LRP1B: variants seen among roughly 807,000 people sequenced by gnomAD.
The protein encoded by LRP1B is LDL receptor related protein 1B.
A neutral mutation model predicts 556.6 loss-of-function variants in LRP1B; 217 were observed. The ratio of observed to expected loss-of-function variants is 0.39; its 90% confidence interval spans 0.35 to 0.44. The LOEUF (loss-of-function observed/expected upper bound fraction) is 0.44. Among genes scored for constraint, LRP1B ranks in the 20% least tolerant of loss-of-function variants. The pLI is 1.00. For synonymous variants in LRP1B, 2,047 were observed against 1,865.8 expected (o/e 1.10, Z -2.50); for missense variants, 5,053 against 5,620.8 (o/e 0.90, Z 3.23).
intron 21 of LRP1B, among the ~76,000 whole-genome samples, chr2:140,909,150 C>T (rs1339064293): frequency 6.6e-6 from 1 of 152,104 alleles, no homozygotes; most frequent in African/African-American, 2.4e-5. Flanking sequence ...TCGAAACAGT[C>T]TTTCACTGAC....
rs61199077 is a variant in LRP1B, at chr2:140,654,025, CAAAAAAAA to C, written c.6799+46217_6799+46224del. Among the ~76,000 whole-genome samples, 35 of 35,400 alleles carry C rather than the reference CAAAAAAAA, an allele frequency of 9.9e-4. 1 individual carries two copies. Among genetic ancestry groups the C allele is most frequent in the African/African-American group, 2.8e-3 (30 of 10,792 alleles). 23.2% of individuals were successfully genotyped at this position (35,400 alleles called of 152,430 possible). ...GGGAGACAAGAGCAAGACTCCATCTCAAAAAAAAAAAAAAAAAAAAAAAAAAGAGAGAG... is the reference window on the plus strand; with the variant it reads ...GGGAGACAAGAGCAAGACTCCATCTCAAAAAAAAAAAAAAAAAAGAGAGAG... On this transcript the variant is annotated intron_variant, in intron 41 of 90. Coordinates refer to ENST00000389484, the MANE Select transcript of LRP1B (RefSeq NM_018557.3).
At chr2:142,130,582 G>T in intron 1 of LRP1B, 66 bp downstream of exon 1, 1 of 1,355,744 alleles carries the variant, frequency 7.4e-7, no homozygotes, top group Non-Finnish European at 1.0e-6. Flanking sequence ...TCACTTATCT[G>T]CAAGCATCGC....
At chr2:141,421,501 C>G (rs945364756) in intron 3 of LRP1B, among the ~76,000 whole-genome samples, 1 of 146,296 alleles carries the variant, frequency 6.8e-6, no homozygotes, top group Non-Finnish European at 1.5e-5. Flanking sequence ...TGCACTCCAG[C>G]CTGGGCGACA....
intron 41 of LRP1B, among the ~76,000 whole-genome samples, chr2:140,663,714 C>T (rs1574211303): frequency 6.6e-6 from 1 of 152,148 alleles, no homozygotes; most frequent in African/African-American, 2.4e-5. Flanking sequence ...TCTTATCATT[C>T]GTGTGTTCAC....
chr2:140,873,953 G>A (rs1246021208), intron 25 of LRP1B, among the ~76,000 whole-genome samples: 4 of 151,396 alleles, frequency 2.6e-5, no homozygotes, highest in Non-Finnish European at 5.9e-5. Context: ...TTTTTGGTAA[G>A]AAAGCTTAAA....
intron 4 of LRP1B, among the ~76,000 whole-genome samples, chr2:141,249,430 C>A (rs896462748): frequency 8.6e-5 from 13 of 151,976 alleles, no homozygotes; most frequent in African/African-American, 2.9e-4. Context: ...AGCCCTTTCT[C>A]CACTAAAAAT....
At chr2:140,748,315 ATATAT>A (rs1688404556) in intron 35 of LRP1B, among the ~76,000 whole-genome samples, 1 of 130,426 alleles carries the variant, frequency 7.7e-6, no homozygotes, top group African/African-American at 2.9e-5. Context: ...TATTATATTC[ATATAT>A]AATATATATT....
Position 141,013,665 on chromosome 2 carries a change from C to A in LRP1B, c.2271G>T (p.Met757Ile), listed in dbSNP as rs1477619515. Residue 757 changes from methionine (M) to isoleucine (I), a missense_variant, in exon 14 of 91, where the codon ATG (methionine) becomes ATT (isoleucine). Coordinates refer to ENST00000389484, the MANE Select transcript of LRP1B (RefSeq NM_018557.3). The part of the protein sequence containing the change: ...HGNYVFWTDY[M>I]NGSIFQLDLI... ...AATCTAGTTGAAAAATGGAACCATT[C>A]ATATAATCAGTCCAGAACACATAAT... 1 of 1,612,128 alleles carries A rather than the reference C, an allele frequency of 6.2e-7. No individual in the cohort carries two copies. Among genetic ancestry groups the A allele is most frequent in the East Asian group, 2.2e-5 (1 of 44,656 alleles).
chr2:140,384,280 T>C (rs1156532818), intron 67 of LRP1B, among the ~76,000 whole-genome samples: 1 of 152,192 alleles, frequency 6.6e-6, no homozygotes, highest in African/African-American at 2.4e-5. Context: ...GCTAAGTAGA[T>C]ATTTGTGCAC....
intron 41 of LRP1B, among the ~76,000 whole-genome samples, chr2:140,679,789 T>G (rs1052281842): frequency 6.6e-6 from 1 of 151,780 alleles, no homozygotes; most frequent in Non-Finnish European, 1.5e-5. Context: ...CCCACCTGGG[T>G]TTTCTCAGAC....
intron 1 of LRP1B, among the ~76,000 whole-genome samples, chr2:142,016,382 T>C (rs1199595321): frequency 1.3e-5 from 2 of 152,188 alleles, no homozygotes; most frequent in Non-Finnish European, 2.9e-5. Flanking sequence ...TGCACACGTA[T>C]GTTTATTCCA....
chr2:142,046,810 T>C (rs1479084454), intron 1 of LRP1B, among the ~76,000 whole-genome samples: 1 of 152,050 alleles, frequency 6.6e-6, no homozygotes, highest in Non-Finnish European at 1.5e-5. Flanking sequence ...AGGCAGCATC[T>C]GCAAAGTTTT....
intron 83 of LRP1B, among the ~76,000 whole-genome samples, chr2:140,301,412 A>G (rs1683814034): frequency 1.3e-5 from 2 of 152,180 alleles, no homozygotes; most frequent in African/African-American, 2.4e-5. Flanking sequence ...AAACAAATCA[A>G]AGAGAAAATC....
At chr2:142,091,838 T>C (rs903511605) in intron 1 of LRP1B, among the ~76,000 whole-genome samples, 1 of 152,182 alleles carries the variant, frequency 6.6e-6, no homozygotes, top group Admixed American at 6.5e-5. Flanking sequence ...GTGACCCAAT[T>C]TTGATCAATG....
chr2:141,519,700 T>C (rs1465585539), intron 2 of LRP1B, among the ~76,000 whole-genome samples: 1 of 151,964 alleles, frequency 6.6e-6, no homozygotes, highest in Non-Finnish European at 1.5e-5. Flanking sequence ...GATTTCTATA[T>C]ATATATGCGT....
chr2:141,850,619 ACT>A (rs1046562772), intron 1 of LRP1B, among the ~76,000 whole-genome samples: 116 of 94,424 alleles, frequency 1.2e-3, no homozygotes, highest in African/African-American at 4.8e-3. Context: ...CCTAGCATAA[ACT>A]CTGTGTGTGT....
At chr2:140,707,406 A>G (rs1333506265) in intron 37 of LRP1B, among the ~76,000 whole-genome samples, 1 of 152,080 alleles carries the variant, frequency 6.6e-6, no homozygotes, top group Non-Finnish European at 1.5e-5. Flanking sequence ...AGTAAGAGAA[A>G]CAAAAAAGAA....
intron 1 of LRP1B, among the ~76,000 whole-genome samples, chr2:141,983,593 G>A (rs886626542): frequency 1.3e-5 from 2 of 152,112 alleles, no homozygotes; most frequent in South Asian, 2.1e-4. Context: ...AATAAAATAA[G>A]TCATCCTCTC....
chr2:140,763,811 A>G (rs1689009606), intron 35 of LRP1B, among the ~76,000 whole-genome samples: 1 of 152,138 alleles, frequency 6.6e-6, no homozygotes, highest in Non-Finnish European at 1.5e-5. Context: ...TTGTGATATT[A>G]CATCTTGAAA....
Sources: allele counts gnomAD v4.1 joint callset (sites outside exome capture counted in the v4.1 genomes callset), GRCh38; gene constraint gnomAD v4.1.1; transcripts MANE v1.5; gene names NCBI Gene and HGNC (gene_info 2026-07-23, HGNC 2026-07-21).